FBXO48: variants seen among roughly 807,000 people sequenced by gnomAD.
FBXO48 encodes F-box only protein 48.
In FBXO48, 12 loss-of-function variants were observed where a neutral mutation model predicts 14.3. The ratio of observed to expected loss-of-function variants is 0.84; its 90% CI spans 0.54 to 1.36. The LOEUF (loss-of-function observed/expected upper bound fraction) is 1.36. Ranked by LOEUF, FBXO48 falls within the 40% of genes most tolerant of loss-of-function variation. FBXO48 has a pLI of 0.00. For synonymous variants in FBXO48, 53 were observed against 61.7 expected (o/e 0.86, Z 0.66); for missense variants, 177 against 179.1 (o/e 0.99, Z 0.07).
Position 68,463,878 on chromosome 2 carries a change from T to G in FBXO48, c.*331A>C, listed in dbSNP as rs145164802. The G allele has an allele frequency of 3.8e-3, 689 of 181,152 alleles. 2 individuals are homozygous for G. The highest frequency in any genetic ancestry group is 0.015 in the African/African-American group (639 of 42,276). 11.2% of individuals were successfully genotyped at this position (181,152 alleles called of 1,614,324 possible). A position where few individuals can be genotyped will look rare whatever the true frequency, so the allele number is the denominator to read the frequency against. ...AGTGGCTTCCTGAAATTTTGAATTA[T>G]CATTAAGCTGAACATACAAATCACT... On this transcript the variant is annotated 3_prime_UTR_variant, in exon 4 of 4. Transcript: ENST00000377957.
In FBXO48 at chr2:68,461,739, TAA is replaced by T. The variant is rs370586959; in HGVS notation, c.*2468_*2469del. ...GGAGGCTGGGAAAAACAGGATAATGTAAAAAAAAAAAAACAAGAAAACAAAAA... is the reference window on the plus strand; with the variant it reads ...GGAGGCTGGGAAAAACAGGATAATGTAAAAAAAAAAACAAGAAAACAAAAA... On this transcript the variant is annotated 3_prime_UTR_variant, in exon 4 of 4. Coordinates refer to ENST00000377957, the MANE Select transcript of FBXO48 (RefSeq NM_001024680.3). The T allele has an allele frequency of 3.0e-5, 4 of 135,266 alleles. No homozygotes were observed. The highest frequency in any genetic ancestry group is 3.2e-5 in the Non-Finnish European group (2 of 62,194). The allele number at this position is 135,266 out of a possible 1,614,324, so 8.4% of individuals were successfully genotyped here.
intron 2 of FBXO48, among the ~76,000 whole-genome samples, chr2:68,465,532 A>G (rs529565384): frequency 1.3e-5 from 2 of 151,248 alleles, no homozygotes; most frequent in East Asian, 3.9e-4. Flanking sequence ...TAAAAAAAAA[A>G]AAAAGAAAAA....
intron 2 of FBXO48, among the ~76,000 whole-genome samples, chr2:68,465,786 T>C (rs1211750400): frequency 6.6e-6 from 1 of 152,208 alleles, no homozygotes; most frequent in Non-Finnish European, 1.5e-5. Flanking sequence ...TAATTTGCAA[T>C]TTGTGACTTA....
In FBXO48 at chr2:68,461,285, TTC is replaced by T. The variant is rs1394694070; in HGVS notation, c.*2922_*2923del. 1.4e-5 allele frequency: 2 copies of T among 144,184 alleles called. No individual in the cohort carries two copies. The highest frequency in any genetic ancestry group is 5.8e-5 in the African/African-American group (2 of 34,558). The allele number at this position is 144,184 out of a possible 1,614,324, so 8.9% of individuals were successfully genotyped here. A position where few individuals can be genotyped will look rare whatever the true frequency, so the allele number is the denominator to read the frequency against. On this transcript the variant is annotated 3_prime_UTR_variant, in exon 4 of 4. Transcript: ENST00000377957. ...CTCTTACTTAAGATCCGTTTTCGTT[TTC>T]TTTTTTTTTTTTTTTTTTTTGAGAC...
chr2:68,464,370 C>T lies in FBXO48; in HGVS notation c.307G>A (p.Val103Met). 1 of 1,613,156 alleles carries T rather than the reference C, an allele frequency of 6.2e-7. No homozygotes were observed. Among genetic ancestry groups the T allele is most frequent in the Non-Finnish European group, 8.5e-7 (1 of 1,179,666 alleles). ...TTCTGGTAATTCCTCAGCAGTATCA[C>T]CTGAAAGAGGTAAATCACCGTTAAA... ...DDLESGYSWR[V>M]ILLRNYQKSK... The change falls in exon 4 of 4, where the codon GTG becomes ATG. Residue 103 changes from valine to methionine, a missense_variant and splice_region_variant. Physicochemically the swap from Val to Met is conservative, Grantham distance 21. Transcript: ENST00000377957.
rs1675252650 is a variant in FBXO48, at chr2:68,461,195, C to T, written c.*3014G>A. On this transcript the variant is annotated 3_prime_UTR_variant, in exon 4 of 4. Transcript: ENST00000377957. ...TAAGCAGATAAGGAATGGCTGGGAC[C>T]AGGGTCTGGAATATAATCAGGCCTC... 6.6e-6 allele frequency: 1 copy of T among 151,948 alleles called. No homozygotes were observed. Among genetic ancestry groups the T allele is most frequent in the African/African-American group, 2.4e-5 (1 of 41,344 alleles). 9.4% of individuals were successfully genotyped at this position (151,948 alleles called of 1,614,324 possible).
chr2:68,465,448 G>A (rs1189199234), intron 2 of FBXO48, among the ~76,000 whole-genome samples: 1 of 148,344 alleles, frequency 6.7e-6, no homozygotes, highest in East Asian at 2.0e-4. Context: ...GTGCAGATGT[G>A]TCATAATAGC....
chr2:68,461,804 G>T lies in FBXO48; in HGVS notation c.*2405C>A, dbSNP rs1241594899. On this transcript the variant is annotated 3_prime_UTR_variant, in exon 4 of 4. Transcript: ENST00000377957. ...GCGGTGGCTCATGCCTATAATCCCA[G>T]CACTTTAGGAGGCTGAGGCAGGTAG... 6.6e-6 allele frequency: 1 copy of T among 151,252 alleles called. No individual in the cohort carries two copies. Among genetic ancestry groups the T allele is most frequent in the Non-Finnish European group, 1.5e-5 (1 of 67,864 alleles). The allele number at this position is 151,252 out of a possible 1,614,324, so 9.4% of individuals were successfully genotyped here.
rs1005050544 is a variant in FBXO48, at chr2:68,463,584, C to T, written c.*625G>A. ...CCACTTACTTTCAGCTCCTGAGAGC[C>T]GTTCCAGGTTTATATAAAATTAATG... is the stretch of plus-strand genomic sequence containing the variant. On this transcript the variant is annotated 3_prime_UTR_variant, in exon 4 of 4. Coordinates refer to ENST00000377957, the MANE Select transcript of FBXO48 (RefSeq NM_001024680.3). 2.0e-5 allele frequency: 3 copies of T among 151,950 alleles called. No individual in the cohort carries two copies. Among genetic ancestry groups the T allele is most frequent in the East Asian group, 1.9e-4 (1 of 5,186 alleles). The allele number at this position is 151,950 out of a possible 1,614,324, so 9.4% of individuals were successfully genotyped here.
chr2:68,464,722 ACTGT>A (rs760403961), intron 3 of FBXO48, 114 bp downstream of exon 3: 7 of 746,526 alleles, frequency 9.4e-6, no homozygotes, highest in South Asian at 5.2e-5. Context: ...GAGTCAACAC[ACTGT>A]CTGTGTTATT....
rs924636377 is a variant in FBXO48, at chr2:68,461,287, C to CTTTTTTTTTTTTTT, written c.*2908_*2921dup. The CTTTTTTTTTTTTTT allele has an allele frequency of 6.7e-5, 8 of 119,628 alleles. No homozygotes were observed. Among genetic ancestry groups the CTTTTTTTTTTTTTT allele is most frequent in the African/African-American group, 2.6e-4 (7 of 26,600 alleles). The allele number at this position is 119,628 out of a possible 1,614,324, so 7.4% of individuals were successfully genotyped here. The stretch of plus-strand genomic sequence containing the variant: ...CTTACTTAAGATCCGTTTTCGTTTT[C>CTTTTTTTTTTTTTT]TTTTTTTTTTTTTTTTTTTTGAGAC... On this transcript the variant is annotated 3_prime_UTR_variant, in exon 4 of 4. Transcript: ENST00000377957.
In FBXO48 at chr2:68,463,225, A is replaced by G. The variant is rs1435831251; in HGVS notation, c.*984T>C. ...CCCCACACTAACTAAAGCAGTTTGT[A>G]GACACTTTTTTACTATGGTGGTAAC... On this transcript the variant is annotated 3_prime_UTR_variant, in exon 4 of 4. Coordinates refer to ENST00000377957, the MANE Select transcript of FBXO48 (RefSeq NM_001024680.3). 1 of 152,192 alleles carries G rather than the reference A, an allele frequency of 6.6e-6. No homozygotes were observed. The highest frequency in any genetic ancestry group is 1.9e-4 in the East Asian group (1 of 5,202). The allele number at this position is 152,192 out of a possible 1,614,324, so 9.4% of individuals were successfully genotyped here. A position where few individuals can be genotyped will look rare whatever the true frequency, so the allele number is the denominator to read the frequency against.
At chr2:68,467,060 G>T (rs1675437383) in intron 1 of FBXO48, among the ~76,000 whole-genome samples, 151 bp downstream of exon 1, 1 of 152,154 alleles carries the variant, frequency 6.6e-6, no homozygotes, top group Non-Finnish European at 1.5e-5. Context: ...TGGAACCCAA[G>T]AACACAGGGC....
rs1675293872 is a variant in FBXO48 at position 68,462,573 on chromosome 2, GTCTTGAACTTC to G, written c.*1625_*1635del. ...GGGTTTCACCATGTTGACCAGGCTG[GTCTTGAACTTC>G]TGACCTGAGGTGATCCACCCACCTT... On this transcript the variant is annotated 3_prime_UTR_variant, in exon 4 of 4. Coordinates refer to ENST00000377957, the MANE Select transcript of FBXO48 (RefSeq NM_001024680.3). The G allele has an allele frequency of 6.6e-6, 1 of 152,294 alleles. No individual in the cohort carries two copies. Among genetic ancestry groups the G allele is most frequent in the Non-Finnish European group, 1.5e-5 (1 of 68,102 alleles). The allele number at this position is 152,294 out of a possible 1,614,324, so 9.4% of individuals were successfully genotyped here.
rs527805800 is a variant in FBXO48 at position 68,463,933 on chromosome 2, A to G, written c.*276T>C. 3.6e-6 allele frequency: 1 copy of G among 277,764 alleles called. No homozygotes were observed. The highest frequency in any genetic ancestry group is 2.2e-5 in the African/African-American group (1 of 46,152). The allele number at this position is 277,764 out of a possible 1,614,324, so 17.2% of individuals were successfully genotyped here. A position where few individuals can be genotyped will look rare whatever the true frequency, so the allele number is the denominator to read the frequency against. On this transcript the variant is annotated 3_prime_UTR_variant, in exon 4 of 4. Coordinates refer to ENST00000377957, the MANE Select transcript of FBXO48 (RefSeq NM_001024680.3). ...CATTTAGTATTGCAAATATATTAAC[A>G]CAAATACATGAAACATTGTATTTGG...
chr2:68,462,410 C>G lies in FBXO48; in HGVS notation c.*1799G>C, dbSNP rs550047240. On this transcript the variant is annotated 3_prime_UTR_variant, in exon 4 of 4. Coordinates refer to ENST00000377957, the MANE Select transcript of FBXO48 (RefSeq NM_001024680.3). The stretch of plus-strand genomic sequence containing the variant: ...TTCACTCTTGTTGCCCAGGCTGGAG[C>G]GCAGTGGCGTGATCTCTGCTCACTG... 2.0e-5 allele frequency: 3 copies of G among 152,032 alleles called. No homozygotes were observed. The East Asian group carries it at 5.8e-4, about 29-fold the overall frequency. The allele number at this position is 152,032 out of a possible 1,614,324, so 9.4% of individuals were successfully genotyped here.
rs1028257491 is a variant in FBXO48, at chr2:68,460,796, G to C, written c.*3413C>G. 2 of 152,182 alleles carry C rather than the reference G, an allele frequency of 1.3e-5. No homozygotes were observed. Among genetic ancestry groups the C allele is most frequent in the African/African-American group, 4.8e-5 (2 of 41,428 alleles). The allele number at this position is 152,182 out of a possible 1,614,324, so 9.4% of individuals were successfully genotyped here. On this transcript the variant is annotated 3_prime_UTR_variant, in exon 4 of 4. Transcript: ENST00000377957. ...AGGTGAAGGAAAGCGAGTCTTTGGA[G>C]GAAACTGAGAAGACGGGTTAGAGTA...
Position 68,463,129 on chromosome 2 carries a change from C to A in FBXO48, c.*1080G>T, listed in dbSNP as rs1675309801. 6.6e-6 allele frequency: 1 copy of A among 152,046 alleles called. No individual in the cohort carries two copies. The highest frequency in any genetic ancestry group is 1.5e-5 in the Non-Finnish European group (1 of 68,006). The allele number at this position is 152,046 out of a possible 1,614,324, so 9.4% of individuals were successfully genotyped here. The stretch of plus-strand genomic sequence containing the variant: ...TAGTGGGGCATCTTTCTAATATTTG[C>A]CTATTTGTTAAATATTGGTTTCCTG... On this transcript the variant is annotated 3_prime_UTR_variant, in exon 4 of 4. Coordinates refer to ENST00000377957, the MANE Select transcript of FBXO48 (RefSeq NM_001024680.3).
At position 68,464,204 on chromosome 2, in the gene FBXO48, T is replaced by C. The variant is rs780088215; in HGVS notation, c.*5A>G. 38 of 1,611,452 alleles carry C rather than the reference T, an allele frequency of 2.4e-5. No individual in the cohort carries two copies. The highest frequency in any genetic ancestry group is 2.3e-4 in the African/African-American group (17 of 74,866). ...AAGACCTGAGATTTGTGATTTTTTT[T>C]CCCCTTATCTTTCCAGTTCTGCTTC... On this transcript the variant is annotated 3_prime_UTR_variant, in exon 4 of 4. Coordinates refer to ENST00000377957, the MANE Select transcript of FBXO48 (RefSeq NM_001024680.3).
Sources: allele counts gnomAD v4.1 joint callset (sites outside exome capture counted in the v4.1 genomes callset), GRCh38; gene constraint gnomAD v4.1.1; transcripts MANE v1.5; gene names NCBI Gene and HGNC (gene_info 2026-07-23, HGNC 2026-07-21).